TTN: variants seen among roughly 807,000 people sequenced by gnomAD.
TTN encodes the protein titin, also known as connectin.
A neutral mutation model predicts 3,223.0 loss-of-function variants in TTN; 1,525 were observed. That is an observed-to-expected ratio of 0.47 (90% confidence interval 0.45 to 0.49). TTN has a LOEUF of 0.49. Among genes scored for constraint, TTN ranks in the 20% least tolerant of loss-of-function variants. The pLI, the probability that TTN is intolerant of heterozygous loss-of-function variation, is 0.00. For synonymous variants in TTN, 14,094 were observed against 15,161.0 expected, an observed-to-expected ratio of 0.93 and a Z score of 5.17; for missense variants, 40,786 against 43,424.0, an observed-to-expected ratio of 0.94 and a Z score of 5.40.
Position 178,552,119 on chromosome 2 carries a change from T to C in TTN, c.90781A>G (p.Ser30261Gly). 1.2e-6 allele frequency: 2 copies of C among 1,613,844 alleles called. No individual in the cohort carries two copies. The highest frequency in any genetic ancestry group is 1.7e-6 in the Non-Finnish European group (2 of 1,179,792). ...TGTGAAGTTTCCCGCTTCTCGATGC[T>C]GTAACAAGTAATTTCTCCTCCTCCA... ...DNGGGEITCYSIEKRETSQTN... is the reference protein window; with the variant it reads ...DNGGGEITCYGIEKRETSQTN... The change falls in exon 335 of 363, where the codon AGC (serine) becomes GGC (glycine). Residue 30261 changes from serine (S) to glycine (G), a missense_variant. Coordinates refer to ENST00000589042, the MANE Select transcript of TTN (RefSeq NM_001267550.2).
intron 250 of TTN, chr2:178,619,407 C>T: frequency 3.4e-6 from 2 of 586,388 alleles, no homozygotes; most frequent in Non-Finnish European, 5.8e-6. Context: ...GTACTAGCAA[C>T]TGTCCAAGGC....
intron 47 of TTN, chr2:178,750,842 G>A (rs1332685730): frequency 6.2e-7 from 1 of 1,613,002 alleles, no homozygotes; most frequent in African/African-American, 1.3e-5. Context: ...AGTGATATAT[G>A]TGGATGACTC....
chr2:178,536,626 T>G, intron 356 of TTN, 51 bp from the exon 357 acceptor site: 1 of 1,402,064 alleles, frequency 7.1e-7, no homozygotes, highest in Non-Finnish European at 9.4e-7. Context: ...GGCAGCTTTA[T>G]TAAAGCTTAT....
chr2:178,790,075 A>G lies in TTN; in HGVS notation c.1841T>C (p.Ile614Thr), dbSNP rs1417506492. 6.2e-7 allele frequency: 1 copy of G among 1,613,150 alleles called. No individual in the cohort carries two copies. Among genetic ancestry groups the G allele is most frequent in the Non-Finnish European group, 8.5e-7 (1 of 1,179,418 alleles). Residue 614 changes from isoleucine (I) to threonine (T), a missense_variant, in exon 12 of 363, where the codon ATA becomes ACA. Transcript: ENST00000589042. ...ETRKTVVPKV[I>T]VATPKVKEQD... ...TTCTTTGACTTTGGGTGTGGCAACT[A>G]TGACTTTAGGTACAACTGTTTTCCT...
rs769105013 is a variant in TTN at position 178,576,688 on chromosome 2, A to G, written c.69556T>C (p.Trp23186Arg). 1.9e-6 allele frequency: 3 copies of G among 1,613,400 alleles called. No individual in the cohort carries two copies. The highest frequency in any genetic ancestry group is 3.3e-5 in the Admixed American group (2 of 59,980). ...VERREKKSLR[W>R]VRAIKTPVSD... ...ACTGGTGTTTTTATTGCTCTCACCC[A>G]TCGCAGGCTTTTCTTTTCTCTCCTT... Residue 23186 changes from tryptophan to arginine, a missense_variant, in exon 325 of 363, where the codon TGG (tryptophan) becomes CGG (arginine). Transcript: ENST00000589042. This position sits in a 1 kb window ranked among gnomAD's most constrained non-coding sequence, Gnocchi z 4.3.
chr2:178,747,114 A>G (rs1014593767), intron 47 of TTN: 1 of 1,607,460 alleles, frequency 6.2e-7, no homozygotes. Flanking sequence ...GGGGGTGTGG[A>G]GTATCTCTCC....
In TTN at chr2:178,692,554, G is replaced by C; in HGVS notation, c.31621C>G (p.Pro10541Ala). 1.9e-6 allele frequency: 3 copies of C among 1,571,350 alleles called. No individual in the cohort carries two copies. The highest frequency in any genetic ancestry group is 2.6e-6 in the Non-Finnish European group (3 of 1,160,764). The change falls in exon 120 of 363, where the codon CCA (proline) becomes GCA (alanine). Residue 10541 changes from proline (P) to alanine (A), a missense_variant. By Grantham distance (27) the Pro-to-Ala change is conservative. Transcript: ENST00000589042. ...ATAGGAACAGGGGCCACTTCTTCTG[G>C]AGCTGGTTTCTCAGGTAGCTCAGGG... ...KVPELPEKPA[P>A]EEVAPVPIPK...
chr2:178,611,629 T>C lies in TTN; in HGVS notation c.50600A>G (p.Lys16867Arg), dbSNP rs1206991896. ...LDLHVTDAGR[K>R]HIAIAWKPPE... ...AGGCTTCCAAGCAATGGCAATGTGT[T>C]TTCTCCCAGCATCAGTCACATGTAG... The change falls in exon 269 of 363, where the codon AAA (lysine) becomes AGA (arginine). Residue 16867 changes from lysine to arginine, a missense_variant. Physicochemically the swap from Lys to Arg is conservative, Grantham distance 26. Coordinates refer to ENST00000589042, the MANE Select transcript of TTN (RefSeq NM_001267550.2). The C allele has an allele frequency of 6.8e-6, 11 of 1,613,076 alleles. No individual in the cohort carries two copies. The highest frequency in any genetic ancestry group is 8.5e-6 in the Non-Finnish European group (10 of 1,179,358).
intron 240 of TTN, 87 bp downstream of exon 240, chr2:178,629,214 G>A (rs2059466539): frequency 1.3e-6 from 2 of 1,487,872 alleles, no homozygotes; most frequent in Non-Finnish European, 9.0e-7. Flanking sequence ...AGAGACATTA[G>A]AAAGAGCAAA....
At position 178,571,596 on chromosome 2, in the gene TTN, C is replaced by CA; in HGVS notation, c.74535dup (p.Val24846CysfsTer2). On this transcript the variant is annotated frameshift_variant, in exon 326 of 363. Coordinates refer to ENST00000589042, the MANE Select transcript of TTN (RefSeq NM_001267550.2). LOFTEE classifies it high-confidence loss of function. ...GTTGTGGAAGTGTCCCGTTTCTCAA[C>CA]AATGTAATTATTGATAGAACTTCCA... is the stretch of plus-strand genomic sequence containing the variant. 1 of 1,613,220 alleles carries CA rather than the reference C, an allele frequency of 6.2e-7. No homozygotes were observed. Among genetic ancestry groups the CA allele is most frequent in the Non-Finnish European group, 8.5e-7 (1 of 1,179,572 alleles).
rs1439566303 is a variant in TTN, at chr2:178,605,526, C to T, written c.53769G>A (p.Leu17923=). The T allele has an allele frequency of 3.1e-6, 5 of 1,612,244 alleles. No individual in the cohort carries two copies. In the Admixed American group the frequency reaches 8.3e-5, roughly 27 times the overall value. ...NKRLCPTTSF[L]VENLDEHQMY... ...TTTGGTGTTCATCAAGATTTTCAAC[C>T]AGAAAAGATGTGGTTGGGCAGAGTC... is the stretch of plus-strand genomic sequence containing the variant. Residue 17923 remains leucine (L), a synonymous_variant, in exon 279 of 363, where the codon CTG becomes CTA. Transcript: ENST00000589042.
Position 178,535,765 on chromosome 2 carries a change from A to G in TTN, c.100850T>C (p.Ile33617Thr), listed in dbSNP as rs1395817779. 8 of 1,613,494 alleles carry G rather than the reference A, an allele frequency of 5.0e-6. No individual in the cohort carries two copies. In the South Asian group the frequency reaches 5.5e-5, roughly 11 times the overall value. ...ALRGEVVSIK[I>T]PFSGKPDPVI... ...AGGATCTGGTTTGCCACTGAAAGGA[A>G]TCTTGATGCTGACCACTTCACCTCG... The change falls in exon 358 of 363, where the codon ATT becomes ACT. Residue 33617 changes from isoleucine (I) to threonine (T), a missense_variant. Coordinates refer to ENST00000589042, the MANE Select transcript of TTN (RefSeq NM_001267550.2).
intron 47 of TTN, chr2:178,751,181 T>A: frequency 1.2e-6 from 2 of 1,611,026 alleles, no homozygotes; most frequent in Non-Finnish European, 1.7e-6. Flanking sequence ...GAACAGAATA[T>A]CTTTATCACT....
Position 178,733,750 on chromosome 2 carries a change from T to G in TTN, c.15639A>C (p.Lys5213Asn), listed in dbSNP as rs2080952653. 1 of 1,613,680 alleles carries G rather than the reference T, an allele frequency of 6.2e-7. No homozygotes were observed. The highest frequency in any genetic ancestry group is 1.3e-5 in the African/African-American group (1 of 74,890). The change falls in exon 53 of 363, where the codon AAA (lysine) becomes AAC (asparagine). Residue 5213 changes from lysine (K) to asparagine (N), a missense_variant. Transcript: ENST00000589042. ...CACCATTGGAAAAGCTCATTTTGAT[T>G]TTTCCGTCTTCTCTGATGACCTCTT... ...KGQEVIREDG[K>N]IKMSFSNGVA... is the part of the protein sequence containing the mutation.
chr2:178,553,529 C>CATTCATTT lies in TTN; in HGVS notation c.89468_89475dup (p.Glu29826LysfsTer2). On this transcript the variant is annotated stop_gained and frameshift_variant, in exon 334 of 363. Transcript: ENST00000589042. LOFTEE classifies it high-confidence loss of function. The stretch of plus-strand genomic sequence containing the variant: ...AGTATATCTTTAGCTTGTACAGGTT[C>CATTCATTT]ATTCATTTCTATAGGTTCTCCTTGT... The CATTCATTT allele has an allele frequency of 6.2e-7, 1 of 1,613,160 alleles. No homozygotes were observed. The highest frequency in any genetic ancestry group is 8.5e-7 in the Non-Finnish European group (1 of 1,179,502).
At chr2:178,764,062 T>A in intron 43 of TTN, 115 bp downstream of exon 43, 1 of 1,471,470 alleles carries the variant, frequency 6.8e-7, no homozygotes, top group East Asian at 2.3e-5. Flanking sequence ...AGATTTCCAT[T>A]AAGCTTCAAA....
In TTN at chr2:178,739,630, C is replaced by T. The variant is rs753944644; in HGVS notation, c.13603G>A (p.Val4535Ile). 1.9e-6 allele frequency: 3 copies of T among 1,613,750 alleles called. No individual in the cohort carries two copies. In the African/African-American group the frequency reaches 4.0e-5, roughly 22 times the overall value. Residue 4535 changes from valine (V) to isoleucine (I), a missense_variant, in exon 48 of 363, where the codon GTC becomes ATC. Physicochemically the swap from Val to Ile is conservative, Grantham distance 29. Transcript: ENST00000589042. The part of the protein sequence containing the change: ...ESKYLISTEE[V>I]SYFNVQSRVK... ...CTACTTTGCACGTTAAAATAACTGA[C>T]CTCTTCAGTTGAGATCAGATATTTA...
chr2:178,586,276 C>T (rs1192450608), intron 308 of TTN, among the ~76,000 whole-genome samples: 1 of 152,082 alleles, frequency 6.6e-6, no homozygotes, highest in Non-Finnish European at 1.5e-5. Context: ...TAAGAATGCA[C>T]ATGATAATAA....
chr2:178,683,818 T>TA (rs1211356429), intron 133 of TTN, among the ~76,000 whole-genome samples, 181 bp downstream of exon 133: 24 of 151,972 alleles, frequency 1.6e-4, no homozygotes, highest in Admixed American at 1.6e-3. Flanking sequence ...CACTTTTTTT[T>TA]AAGAAAAAAG....
Sources: gnomAD v4.1 joint callset for allele counts (sites outside exome capture counted in the v4.1 genomes callset) on GRCh38, gnomAD v4.1.1 for gene constraint, Gnocchi (gnomAD v3.1) non-coding constraint, MANE v1.5 for transcripts, NCBI Gene and HGNC (gene_info 2026-07-23, HGNC 2026-07-21) for gene names.